The following C1orf21 variants were observed in gnomAD, a reference collection of about 807,000 sequenced individuals.
The protein encoded by C1orf21 is chromosome 1 open reading frame 21, also known as uncharacterized protein C1orf21.
C1orf21 carries 3 observed loss-of-function variants against 18.7 expected under a neutral mutation model. The observed-to-expected ratio is 0.16, with a 90% CI of 0.07 to 0.42. The LOEUF (loss-of-function observed/expected upper bound fraction) is 0.42, where lower values mean the gene tolerates loss of function less well. Ranked by LOEUF, C1orf21 falls within the 10% of genes least tolerant of loss-of-function variation. The probability of loss-of-function intolerance (pLI) is 0.99; values close to 1 mark genes in which losing one functional copy is unlikely to be tolerated. For missense variants in C1orf21, 104 were observed against 143.6 expected, an observed-to-expected ratio of 0.72 and a Z score of 1.41; for synonymous variants, 41 against 46.4, an observed-to-expected ratio of 0.88 and a Z score of 0.47.
intron 2 of C1orf21, among the ~76,000 whole-genome samples, chr1:184,480,473 G>A (rs1164825353): frequency 6.6e-6 from 1 of 152,142 alleles, no homozygotes; most frequent in African/African-American, 2.4e-5. Context: ...TTGGCAATGA[G>A]ACCACTTAAC....
chr1:184,453,328 A>G (rs1301168542), intron 1 of C1orf21, among the ~76,000 whole-genome samples: 1 of 152,222 alleles, frequency 6.6e-6, no homozygotes, highest in Non-Finnish European at 1.5e-5. Context: ...CAGGTTGAAC[A>G]GAAAGCAGTG....
At chr1:184,491,897 T>C (rs1657821727) in intron 2 of C1orf21, among the ~76,000 whole-genome samples, 1 of 152,240 alleles carries the variant, frequency 6.6e-6, no homozygotes, top group South Asian at 2.1e-4. Flanking sequence ...TATTTTTAGC[T>C]AACGGGCCTT....
At chr1:184,392,871 C>T (rs573012043) in intron 1 of C1orf21, among the ~76,000 whole-genome samples, 18 of 138,344 alleles carry the variant, frequency 1.3e-4, no homozygotes, top group African/African-American at 4.8e-4. Flanking sequence ...TTCTGTCACC[C>T]AGGCTAGAGT....
intron 3 of C1orf21, among the ~76,000 whole-genome samples, chr1:184,541,369 C>T (rs573217860): frequency 6.6e-6 from 1 of 152,324 alleles, no homozygotes; most frequent in South Asian, 2.1e-4. Context: ...GCACCATCCT[C>T]AATGATCATA....
In C1orf21 at chr1:184,609,798, T is replaced by G. The variant is rs116580486; in HGVS notation, c.328-9720T>G. 4.4e-3 allele frequency among the ~76,000 whole-genome samples: 665 copies of G among 152,280 alleles called. 6 individuals carry two copies. Among genetic ancestry groups the G allele is most frequent in the African/African-American group, 0.015 (635 of 41,548 alleles). ...AGTGAAAAAAAGCAAACTAAAACAC[T>G]GTGTCTATAATAGGATTAAAATGGT... On this transcript the variant is annotated intron_variant, in intron 5 of 5. Transcript: ENST00000235307.
At chr1:184,488,762 C>T (rs950760324) in intron 2 of C1orf21, among the ~76,000 whole-genome samples, 6 of 152,156 alleles carry the variant, frequency 3.9e-5, no homozygotes, top group East Asian at 1.9e-4. Flanking sequence ...CTCAGGAGTT[C>T]GCAACCAGCC....
At chr1:184,419,647 G>GAA (rs35189937) in intron 1 of C1orf21, among the ~76,000 whole-genome samples, 6 of 145,656 alleles carry the variant, frequency 4.1e-5, no homozygotes, top group Non-Finnish European at 6.1e-5. Context: ...GGGAAAAACA[G>GAA]AAAAAAAAAA....
chr1:184,400,611 T>C lies in C1orf21; in HGVS notation c.-125+13243T>C, dbSNP rs187203512. 1.7e-4 allele frequency among the ~76,000 whole-genome samples: 26 copies of C among 152,330 alleles called. No individual in the cohort carries two copies. The East Asian group carries it at 3.7e-3, about 21-fold the overall frequency. On this transcript the variant is annotated intron_variant, in intron 1 of 5. Transcript: ENST00000235307. ...CTGCAGAAATTCTACCGTACAGATA[T>C]ACCATAATTATTCATTTGGCTGTAT... is the stretch of plus-strand genomic sequence containing the variant.
chr1:184,611,664 A>G (rs1558014456), intron 5 of C1orf21, among the ~76,000 whole-genome samples: 1 of 152,182 alleles, frequency 6.6e-6, no homozygotes, highest in African/African-American at 2.4e-5. Flanking sequence ...TGTTAGGTGG[A>G]CAGAGGAGGG....
intron 3 of C1orf21, among the ~76,000 whole-genome samples, chr1:184,590,441 T>C (rs552454953): frequency 6.6e-6 from 1 of 152,354 alleles, no homozygotes; most frequent in Middle Eastern, 3.4e-3. Flanking sequence ...ATACTAGATC[T>C]TCTGTTCTTT....
At chr1:184,415,088 G>A (rs1277581981) in intron 1 of C1orf21, among the ~76,000 whole-genome samples, 1 of 152,098 alleles carries the variant, frequency 6.6e-6, no homozygotes, top group African/African-American at 2.4e-5. Flanking sequence ...ACCTTCCTTT[G>A]GTTCCTCCTG....
intron 1 of C1orf21, among the ~76,000 whole-genome samples, chr1:184,438,378 C>T (rs1335792796): frequency 6.6e-6 from 1 of 152,178 alleles, no homozygotes; most frequent in Non-Finnish European, 1.5e-5. Context: ...CCAGGGAAGT[C>T]CTTTGGTGTG....
intron 2 of C1orf21, among the ~76,000 whole-genome samples, chr1:184,490,745 A>G (rs113505761): frequency 0.016 from 2,386 of 152,296 alleles, 30 homozygotes; most frequent in Non-Finnish European, 0.022. Context: ...GTTCAGCCTC[A>G]CCTCAGGTTA....
At chr1:184,523,142 A>G (rs183549128) in intron 3 of C1orf21, among the ~76,000 whole-genome samples, 1 of 152,240 alleles carries the variant, frequency 6.6e-6, no homozygotes, top group Non-Finnish European at 1.5e-5. Context: ...AGGAGGTGGA[A>G]CATTACTTCT....
chr1:184,600,332 A>C (rs1659570203), intron 5 of C1orf21, among the ~76,000 whole-genome samples: 1 of 151,976 alleles, frequency 6.6e-6, no homozygotes, highest in African/African-American at 2.4e-5. Context: ...ACGCCCAGCT[A>C]ATTTTTGTAT....
chr1:184,597,669 A>G (rs1299205456), intron 4 of C1orf21, among the ~76,000 whole-genome samples: 1 of 151,900 alleles, frequency 6.6e-6, no homozygotes, highest in Non-Finnish European at 1.5e-5. Flanking sequence ...CATTAAGACT[A>G]AGTCCTATAC....
intron 4 of C1orf21, among the ~76,000 whole-genome samples, chr1:184,597,040 A>G (rs545916884): frequency 6.6e-6 from 1 of 152,188 alleles, no homozygotes; most frequent in Non-Finnish European, 1.5e-5. Flanking sequence ...GGGAAAACTC[A>G]GCTATGCAAA....
intron 1 of C1orf21, among the ~76,000 whole-genome samples, chr1:184,444,556 C>T (rs1656999699): frequency 6.6e-6 from 1 of 152,086 alleles, no homozygotes; most frequent in Non-Finnish European, 1.5e-5. Context: ...TTTTTCTTCC[C>T]AGTTTCGGGT....
At chr1:184,560,411 T>A (rs950313856) in intron 3 of C1orf21, among the ~76,000 whole-genome samples, 3 of 152,144 alleles carry the variant, frequency 2.0e-5, no homozygotes, top group Non-Finnish European at 4.4e-5. Flanking sequence ...ATGAATAAGA[T>A]GATGTGTGTC....
Sources: allele counts gnomAD v4.1 joint callset (sites outside exome capture counted in the v4.1 genomes callset), GRCh38; gene constraint gnomAD v4.1.1; transcripts MANE v1.5; gene names NCBI Gene and HGNC (gene_info 2026-07-23, HGNC 2026-07-21).